BMPR1B: variants seen among roughly 807,000 people sequenced by gnomAD.
BMPR1B encodes bone morphogenetic protein receptor type 1B, also known as bone morphogenetic protein receptor type-1B.
Under a neutral mutation model 59.1 loss-of-function variants are expected in BMPR1B, and 12 were observed. The observed-to-expected ratio is 0.20, with a 90% CI of 0.13 to 0.33. The LOEUF (loss-of-function observed/expected upper bound fraction) is 0.33, where lower values mean the gene tolerates loss of function less well. BMPR1B is among the 10% of genes least tolerant of loss of function. BMPR1B has a pLI of 1.00. For missense variants in BMPR1B, 550 were observed against 610.9 expected (o/e 0.90, Z 1.05); for synonymous variants, 237 against 207.3 (o/e 1.14, Z -1.23).
chr4:94,815,808 A>G (rs1303559625), intron 1 of BMPR1B, among the ~76,000 whole-genome samples: 1 of 152,210 alleles, frequency 6.6e-6, no homozygotes, highest in Non-Finnish European at 1.5e-5. Context: ...ATAGCGTCTG[A>G]CATTTTATAA....
chr4:94,917,574 C>T (rs951902868), intron 2 of BMPR1B, among the ~76,000 whole-genome samples: 6 of 152,142 alleles, frequency 3.9e-5, no homozygotes, highest in Non-Finnish European at 7.3e-5. Flanking sequence ...CAGTCTCTCC[C>T]CTTTAGAATG....
chr4:94,870,941 G>A (rs940509503), intron 1 of BMPR1B, among the ~76,000 whole-genome samples: 1 of 151,920 alleles, frequency 6.6e-6, no homozygotes, highest in East Asian at 1.9e-4. Context: ...AAGTTCTCAA[G>A]TGCACTCTGT....
At chr4:94,903,365 A>G (rs1180001352) in intron 2 of BMPR1B, among the ~76,000 whole-genome samples, 1 of 151,960 alleles carries the variant, frequency 6.6e-6, no homozygotes, top group Admixed American at 6.6e-5. Context: ...TATAGTGTCT[A>G]TAGTTTCTGA....
At chr4:94,975,479 C>T (rs1274874938) in intron 2 of BMPR1B, among the ~76,000 whole-genome samples, 1 of 150,234 alleles carries the variant, frequency 6.7e-6, no homozygotes, top group African/African-American at 2.4e-5. Flanking sequence ...CCTCCCACCT[C>T]AGCCTCCCAA....
intron 1 of BMPR1B, among the ~76,000 whole-genome samples, chr4:94,759,482 A>G (rs1721672652): frequency 6.6e-6 from 1 of 152,248 alleles, no homozygotes; most frequent in African/African-American, 2.4e-5. Context: ...AATTGATGCC[A>G]ACGAATCTCT....
intron 2 of BMPR1B, among the ~76,000 whole-genome samples, chr4:94,971,572 A>G (rs1358194675): frequency 6.6e-6 from 1 of 152,028 alleles, no homozygotes; most frequent in Non-Finnish European, 1.5e-5. Context: ...CATCATAAAG[A>G]TCAAATCTAA....
chr4:94,973,745 G>A (rs748266137), intron 2 of BMPR1B, among the ~76,000 whole-genome samples: 10 of 152,056 alleles, frequency 6.6e-5, no homozygotes, highest in African/African-American at 1.2e-4. Flanking sequence ...CTCTGCCTCC[G>A]TCCCTATCAG....
intron 1 of BMPR1B, among the ~76,000 whole-genome samples, chr4:94,817,133 C>T (rs1424965216): frequency 6.6e-6 from 1 of 152,210 alleles, no homozygotes; most frequent in Non-Finnish European, 1.5e-5. Flanking sequence ...AAGAGCAGCT[C>T]TCATCAGCCC....
intron 2 of BMPR1B, among the ~76,000 whole-genome samples, chr4:94,949,682 A>T (rs549147525): frequency 6.6e-6 from 1 of 151,574 alleles, no homozygotes; most frequent in African/African-American, 2.4e-5. Context: ...TCTTTATTCA[A>T]TCTGTCATTG....
chr4:95,046,060 T>C lies in BMPR1B; in HGVS notation c.-18+49926T>C, dbSNP rs558642857. 2.6e-4 allele frequency among the ~76,000 whole-genome samples: 40 copies of C among 152,208 alleles called. No individual in the cohort carries two copies. The South Asian group carries it at 7.5e-3, about 28-fold the overall frequency. ...TGAATTGATTTGAATAAATATTTAG[T>C]TTTTCAGGTATAATTTGACTTTTTT... is the stretch of plus-strand genomic sequence containing the variant. On this transcript the variant is annotated intron_variant, in intron 3 of 12. Coordinates refer to ENST00000515059, the MANE Select transcript of BMPR1B (RefSeq NM_001203.3).
At chr4:94,913,632 T>G (rs1283664979) in intron 2 of BMPR1B, among the ~76,000 whole-genome samples, 1 of 151,800 alleles carries the variant, frequency 6.6e-6, no homozygotes, top group Admixed American at 6.6e-5. Flanking sequence ...ATGCTTATTC[T>G]TACTAATTAA....
In BMPR1B at chr4:94,791,018, TG is replaced by T. The variant is rs375309192; in HGVS notation, c.-183+32951del. ...TGTTTGTTTTTCTGAGATGGAGTCT[TG>T]CTCTGTTACCTAGGCTAGAGTGCAG... On this transcript the variant is annotated intron_variant, in intron 1 of 12. Coordinates refer to ENST00000515059, the MANE Select transcript of BMPR1B (RefSeq NM_001203.3). Among the ~76,000 whole-genome samples, 36 of 152,274 alleles carry T rather than the reference TG, an allele frequency of 2.4e-4. No individual in the cohort carries two copies. In the East Asian group the frequency reaches 4.8e-3, roughly 20 times the overall value.
Position 94,764,691 on chromosome 4 carries a change from T to C in BMPR1B, c.-183+6623T>C, listed in dbSNP as rs188929364. Among the ~76,000 whole-genome samples, 17 of 152,338 alleles carry C rather than the reference T, an allele frequency of 1.1e-4. No individual in the cohort carries two copies. In the East Asian group the frequency reaches 3.3e-3, roughly 29 times the overall value. ...ACCCCAAATTATATGCTTCTGTCCATGAAACCTAAATTCTTATATAAATAC... is the reference window on the plus strand; with the variant it reads ...ACCCCAAATTATATGCTTCTGTCCACGAAACCTAAATTCTTATATAAATAC... On this transcript the variant is annotated intron_variant, in intron 1 of 12. Coordinates refer to ENST00000515059, the MANE Select transcript of BMPR1B (RefSeq NM_001203.3).
intron 4 of BMPR1B, 99 bp from the exon 5 acceptor site, chr4:95,114,621 C>A: frequency 1.0e-6 from 1 of 995,172 alleles, no homozygotes; most frequent in Non-Finnish European, 1.6e-6. Context: ...AAATGATACA[C>A]ATCACTTATT....
intron 3 of BMPR1B, among the ~76,000 whole-genome samples, chr4:95,063,026 C>T (rs1353549317): frequency 1.3e-5 from 2 of 152,014 alleles, no homozygotes; most frequent in Non-Finnish European, 2.9e-5. Context: ...TTATAAGATA[C>T]TCTGGCAAAA....
intron 2 of BMPR1B, among the ~76,000 whole-genome samples, chr4:94,944,952 C>T (rs1469459926): frequency 6.6e-6 from 1 of 152,068 alleles, no homozygotes; most frequent in African/African-American, 2.4e-5. Flanking sequence ...CATTATAAAC[C>T]ATAACAGCCT....
chr4:95,028,544 T>C (rs112711905), intron 3 of BMPR1B, among the ~76,000 whole-genome samples: 9 of 152,280 alleles, frequency 5.9e-5, no homozygotes, highest in African/African-American at 2.2e-4. Flanking sequence ...GGAGAAACTT[T>C]AATTATGAAA....
At chr4:94,866,607 T>G (rs1269920489) in intron 1 of BMPR1B, among the ~76,000 whole-genome samples, 1 of 152,018 alleles carries the variant, frequency 6.6e-6, no homozygotes, top group African/African-American at 2.4e-5. Flanking sequence ...TGTTTTTGAG[T>G]CGGAGTCTCG....
At chr4:94,782,277 T>G (rs1161267910) in intron 1 of BMPR1B, among the ~76,000 whole-genome samples, 2 of 152,066 alleles carry the variant, frequency 1.3e-5, no homozygotes, top group Non-Finnish European at 2.9e-5. Context: ...AGATACTTCC[T>G]TCTACTCAGT....
Sources: allele counts gnomAD v4.1 joint callset (sites outside exome capture counted in the v4.1 genomes callset), GRCh38; gene constraint gnomAD v4.1.1; transcripts MANE v1.5; gene names NCBI Gene and HGNC (gene_info 2026-07-23, HGNC 2026-07-21).